FBXL7: variants seen among roughly 807,000 people sequenced by gnomAD.
The protein encoded by FBXL7 is F-box/LRR-repeat protein 7.
A neutral mutation model predicts 38.3 loss-of-function variants in FBXL7; 12 were observed. The ratio of observed to expected loss-of-function variants is 0.31; its 90% CI spans 0.20 to 0.51. The LOEUF is 0.51. Ranked by LOEUF, FBXL7 falls within the 20% of genes least tolerant of loss-of-function variation. FBXL7 has a pLI of 0.98. For synonymous variants in FBXL7, 297 were observed against 300.9 expected (o/e 0.99, Z 0.13); for missense variants, 567 against 676.4 (o/e 0.84, Z 1.79).
intron 2 of FBXL7, among the ~76,000 whole-genome samples, chr5:15,829,026 C>G (rs1010693322): frequency 3.3e-5 from 5 of 152,168 alleles, no homozygotes; most frequent in Non-Finnish European, 7.4e-5. Flanking sequence ...GTAACGCACC[C>G]TTAATTTGAA....
intron 2 of FBXL7, among the ~76,000 whole-genome samples, chr5:15,787,705 C>T (rs1404312440): frequency 1.3e-5 from 2 of 152,150 alleles, no homozygotes; most frequent in Admixed American, 6.6e-5. Context: ...TGAGGAATTA[C>T]TGCAAGGAAA....
At chr5:15,684,622 A>G (rs934093977) in intron 2 of FBXL7, among the ~76,000 whole-genome samples, 1 of 152,212 alleles carries the variant, frequency 6.6e-6, no homozygotes, top group Non-Finnish European at 1.5e-5. Context: ...AATCCAGTGT[A>G]ATCACTGGTG....
chr5:15,895,687 GCT>G (rs1741078755), intron 2 of FBXL7, among the ~76,000 whole-genome samples: 1 of 140,092 alleles, frequency 7.1e-6, no homozygotes, highest in Admixed American at 7.5e-5. Context: ...TGTTGCCCAG[GCT>G]CTGGAGTGCA....
At chr5:15,892,893 G>A (rs1046380162) in intron 2 of FBXL7, among the ~76,000 whole-genome samples, 11 of 152,090 alleles carry the variant, frequency 7.2e-5, no homozygotes, top group South Asian at 2.1e-4. Flanking sequence ...CGAGGGGGGC[G>A]GATCACGAGG....
At chr5:15,812,289 G>A (rs966193586) in intron 2 of FBXL7, among the ~76,000 whole-genome samples, 7 of 152,060 alleles carry the variant, frequency 4.6e-5, no homozygotes, top group South Asian at 2.1e-4. Context: ...GTTGAACAAC[G>A]AGAACACATG....
chr5:15,845,001 A>G lies in FBXL7; in HGVS notation c.128-82889A>G, dbSNP rs183494906. On this transcript the variant is annotated intron_variant, in intron 2 of 3. Transcript: ENST00000504595. Reference sequence around the variant, plus strand: ...CCTCCAAATCTGTCCTTCTTTGCATAGGACACGTCTCAGCCTCCAGCTTAG... The same window carrying G: ...CCTCCAAATCTGTCCTTCTTTGCATGGGACACGTCTCAGCCTCCAGCTTAG... Among the ~76,000 whole-genome samples, 6 of 152,284 alleles carry G rather than the reference A, an allele frequency of 3.9e-5. No homozygotes were observed. The East Asian group carries it at 7.7e-4, about 20-fold the overall frequency.
intron 2 of FBXL7, among the ~76,000 whole-genome samples, chr5:15,830,755 G>A (rs969330527): frequency 2.6e-5 from 4 of 152,128 alleles, no homozygotes; most frequent in African/African-American, 7.2e-5. Context: ...TGTTGACCTT[G>A]AGGCCAGTTT....
chr5:15,616,061 C>G lies in FBXL7; in HGVS notation c.116C>G (p.Ala39Gly). The change falls in exon 2 of 4, where the codon GCT becomes GGT. Residue 39 changes from alanine (A) to glycine (G), a missense_variant. By Grantham distance (60) the Ala-to-Gly change is moderately conservative (BLOSUM62 0). Coordinates refer to ENST00000504595, the MANE Select transcript of FBXL7 (RefSeq NM_012304.5). ...CCCACTAAAGCCCAGAAGAATGTGGCTACCAGCGAAGGTAGGCAGCTGGTC... is the reference window on the plus strand; with the variant it reads ...CCCACTAAAGCCCAGAAGAATGTGGGTACCAGCGAAGGTAGGCAGCTGGTC... Reference protein sequence around the residue: ...HTPTKAQKNVATSEDSDLSMR... With the variant: ...HTPTKAQKNVGTSEDSDLSMR... The G allele has an allele frequency of 1.9e-6, 3 of 1,611,830 alleles. 1 individual carries two copies. The South Asian group carries it at 3.3e-5, about 18-fold the overall frequency.
At chr5:15,692,541 A>G (rs1743215718) in intron 2 of FBXL7, among the ~76,000 whole-genome samples, 1 of 152,158 alleles carries the variant, frequency 6.6e-6, no homozygotes. Context: ...GTTCTCCTGA[A>G]TTAACTGGAA....
intron 2 of FBXL7, among the ~76,000 whole-genome samples, chr5:15,722,270 A>G (rs1026314266): frequency 7.2e-5 from 11 of 152,112 alleles, no homozygotes; most frequent in African/African-American, 2.7e-4. Flanking sequence ...ATTCATAACC[A>G]CCCGGAATGC....
chr5:15,896,457 G>T (rs1297927790), intron 2 of FBXL7, among the ~76,000 whole-genome samples: 1 of 152,170 alleles, frequency 6.6e-6, no homozygotes, highest in Non-Finnish European at 1.5e-5. Context: ...TCCAGCTAGG[G>T]TGTGGGAGAA....
chr5:15,799,356 CTTTTTTTTTTT>C (rs34953272), intron 2 of FBXL7, among the ~76,000 whole-genome samples: 2 of 90,906 alleles, frequency 2.2e-5, no homozygotes, highest in South Asian at 4.4e-4. Flanking sequence ...AAACCCCTCC[CTTTTTTTTTTT>C]TTTTTTTTTT....
At chr5:15,672,640 C>T (rs1039040625) in intron 2 of FBXL7, among the ~76,000 whole-genome samples, 6 of 151,416 alleles carry the variant, frequency 4.0e-5, no homozygotes, top group African/African-American at 1.5e-4. Flanking sequence ...CTACAACCTC[C>T]GCCTCCCAGG....
At chr5:15,765,782 T>A (rs1035261133) in intron 2 of FBXL7, among the ~76,000 whole-genome samples, 24 of 152,124 alleles carry the variant, frequency 1.6e-4, no homozygotes, top group African/African-American at 5.6e-4. Context: ...AATCTCTGCC[T>A]GGATCACCTT....
At chr5:15,568,040 A>G (rs1278486071) in intron 1 of FBXL7, among the ~76,000 whole-genome samples, 2 of 152,156 alleles carry the variant, frequency 1.3e-5, no homozygotes, top group African/African-American at 4.8e-5. Context: ...TATTGTGAAT[A>G]GTGCCACAAT....
intron 2 of FBXL7, among the ~76,000 whole-genome samples, chr5:15,673,142 C>T (rs867834757): frequency 6.6e-6 from 1 of 151,890 alleles, no homozygotes. Flanking sequence ...ATGGCAAAAC[C>T]CCGTCTCCAC....
intron 1 of FBXL7, among the ~76,000 whole-genome samples, chr5:15,572,872 T>C (rs1246802432): frequency 6.6e-6 from 1 of 152,152 alleles, no homozygotes; most frequent in Non-Finnish European, 1.5e-5. Context: ...TACCTCACCC[T>C]TTGTGACTGC....
chr5:15,591,043 C>T (rs1739456791), intron 1 of FBXL7, among the ~76,000 whole-genome samples: 1 of 152,156 alleles, frequency 6.6e-6, no homozygotes, highest in African/African-American at 2.4e-5. Flanking sequence ...CATAGTATTT[C>T]ATAAATTCAG....
chr5:15,741,949 G>T (rs1735904546), intron 2 of FBXL7, among the ~76,000 whole-genome samples: 1 of 152,132 alleles, frequency 6.6e-6, no homozygotes, highest in Non-Finnish European at 1.5e-5. Flanking sequence ...TGTTAGATTG[G>T]AGTAAAAATC....
Sources: gnomAD v4.1 joint callset for allele counts (sites outside exome capture counted in the v4.1 genomes callset) on GRCh38, gnomAD v4.1.1 for gene constraint, MANE v1.5 for transcripts, NCBI Gene and HGNC (gene_info 2026-07-23, HGNC 2026-07-21) for gene names.